Variants in NFATC4 observed in about 807,000 individuals in gnomAD.
NFATC4 encodes nuclear factor of activated T-cells, cytoplasmic 4.
A neutral mutation model predicts 73.4 loss-of-function variants in NFATC4; 25 were observed. The observed-to-expected ratio is 0.34, with a 90% CI of 0.25 to 0.48. The LOEUF is 0.48. Ranked by LOEUF, NFATC4 falls within the 20% of genes least tolerant of loss-of-function variation. The probability of loss-of-function intolerance (pLI) is 0.99; values close to 1 mark genes in which losing one functional copy is unlikely to be tolerated. For missense variants in NFATC4, 1,130 were observed against 1,203.7 expected (o/e 0.94, Z 0.91); for synonymous variants, 523 against 510.3 (o/e 1.02, Z -0.34).
In NFATC4 at chr14:24,372,569, T is replaced by C. The variant is rs2042501959; in HGVS notation, c.1325T>C (p.Val442Ala). Residue 442 changes from valine to alanine, a missense_variant, in exon 3 of 10, where the codon GTC (valine) becomes GCC (alanine). Around this residue, in one of 3 missense-constraint regions of NFATC4, gnomAD observed 155 missense variants for 221.2 expected, o/e 0.70. Transcript: ENST00000250373. ...HYETEGSRGA[V>A]KAAPGGHPVV... is the part of the protein sequence containing the mutation. ...GAGACAGAAGGCAGCCGTGGAGCTG[T>C]CAAAGCTGCCCCTGGCGGTCACCCC... is the stretch of plus-strand genomic sequence containing the variant. 6.2e-7 allele frequency: 1 copy of C among 1,613,928 alleles called. No individual in the cohort carries two copies. Among genetic ancestry groups the C allele is most frequent in the African/African-American group, 1.3e-5 (1 of 74,912 alleles).
intron 2 of NFATC4, 172 bp from the exon 3 acceptor site, chr14:24,372,269 A>T (rs916189935): frequency 3.0e-6 from 2 of 672,560 alleles, no homozygotes; most frequent in African/African-American, 3.6e-5. Flanking sequence ...TCCTTTTTTT[A>T]GTTTAAAAAA....
chr14:24,370,551 G>C lies in NFATC4; in HGVS notation c.1153G>C (p.Ala385Pro), dbSNP rs200325730. Residue 385 changes from alanine to proline, a missense_variant, in exon 2 of 10, where the codon GCT becomes CCT. Around this residue, in one of 3 missense-constraint regions of NFATC4, gnomAD observed 585 missense variants for 574.3 expected, o/e 1.02. Coordinates refer to ENST00000250373, the MANE Select transcript of NFATC4 (RefSeq NM_004554.5). ...CTACCTGGCAGTGCCCTCCCCACTC[G>C]CTTGGTCCAAGGCCCGGATTGGGGG... ...MDYLAVPSPL[A>P]WSKARIGGHS... 3.1e-6 allele frequency: 5 copies of C among 1,613,426 alleles called. No homozygotes were observed. Among genetic ancestry groups the C allele is most frequent in the Non-Finnish European group, 4.2e-6 (5 of 1,179,556 alleles).
chr14:24,370,277 G>C lies in NFATC4; in HGVS notation c.879G>C (p.Glu293Asp). Residue 293 changes from glutamate to aspartate, a missense_variant, in exon 2 of 10, where the codon GAG becomes GAC. By Grantham distance (45) the Glu-to-Asp change is conservative (BLOSUM62 2). This residue lies in a region of NFATC4 where 585 missense variants were observed against 574.3 expected (regional missense o/e 1.02). Coordinates refer to ENST00000250373, the MANE Select transcript of NFATC4 (RefSeq NM_004554.5). Reference sequence around the variant, plus strand: ...CCCGCCGTGGCAGCCTGGGGGAAGAGGGGTCTGAGCCACCTCCACCACCCC... The same window carrying C: ...CCCGCCGTGGCAGCCTGGGGGAAGACGGGTCTGAGCCACCTCCACCACCCC... The part of the protein sequence containing the change: ...ALSRRGSLGE[E>D]GSEPPPPPPL... 1 of 1,612,764 alleles carries C rather than the reference G, an allele frequency of 6.2e-7. No homozygotes were observed. Among genetic ancestry groups the C allele is most frequent in the South Asian group, 1.1e-5 (1 of 91,026 alleles).
rs774361663 is a variant in NFATC4, at chr14:24,375,986, C to T, written c.1941C>T (p.Thr647=). The change falls in exon 8 of 10, where the codon ACC becomes ACT. Residue 647 remains threonine (T), a synonymous_variant. Coordinates refer to ENST00000250373, the MANE Select transcript of NFATC4 (RefSeq NM_004554.5). The part of the protein sequence containing the change: ...NRLQSNEVTL[T]LTVPEYSNKR... ...TTACTCTTCCCTAGGTGACGCTGAC[C>T]CTGACTGTCCCCGAGTACAGCAACA... 2 of 1,613,990 alleles carry T rather than the reference C, an allele frequency of 1.2e-6. No homozygotes were observed. Among genetic ancestry groups the T allele is most frequent in the East Asian group, 2.2e-5 (1 of 44,876 alleles).
chr14:24,369,073 C>G, intron 1 of NFATC4: 1 of 1,412,596 alleles, frequency 7.1e-7, no homozygotes, highest in Non-Finnish European at 9.2e-7. Flanking sequence ...GCCCCCCTCC[C>G]CTCTGGCCAC....
At position 24,376,919 on chromosome 14, in the gene NFATC4, A is replaced by C; in HGVS notation, c.2641+41A>C. 2 of 1,491,856 alleles carry C rather than the reference A, an allele frequency of 1.3e-6. No individual in the cohort carries two copies. The highest frequency in any genetic ancestry group is 8.9e-7 in the Non-Finnish European group (1 of 1,122,862). 92.4% of individuals were successfully genotyped at this position (1,491,856 alleles called of 1,614,324 possible). ...GGGGCTGTGAGTGTGAGTGTGTGCA[A>C]GAGATTGCTCTGCATGTTTGCTGAG... On this transcript the variant is annotated intron_variant, in intron 9 of 9. Coordinates refer to ENST00000250373, the MANE Select transcript of NFATC4 (RefSeq NM_004554.5). The surrounding 1 kb of genome is among the most constrained non-coding windows in gnomAD (Gnocchi z 5.0).
chr14:24,375,743 G>C (rs1325363088), intron 7 of NFATC4, 28 bp downstream of exon 7: 3 of 1,542,340 alleles, frequency 1.9e-6, no homozygotes, highest in African/African-American at 1.4e-5. Context: ...ATACCTCCTG[G>C]GGGGCGGGGG....
chr14:24,376,185 G>C lies in NFATC4; in HGVS notation c.2056+84G>C. ...CAGAGGGAAGCAGTACTCATCATGAGGGGCCAAGGGGTGAATGGAACCTGG... is the reference window on the plus strand; with the variant it reads ...CAGAGGGAAGCAGTACTCATCATGACGGGCCAAGGGGTGAATGGAACCTGG... On this transcript the variant is annotated intron_variant, in intron 8 of 9. Coordinates refer to ENST00000250373, the MANE Select transcript of NFATC4 (RefSeq NM_004554.5). The surrounding 1 kb of genome is among the most constrained non-coding windows in gnomAD (Gnocchi z 5.0). 1 of 1,595,400 alleles carries C rather than the reference G, an allele frequency of 6.3e-7. No homozygotes were observed. The highest frequency in any genetic ancestry group is 8.6e-7 in the Non-Finnish European group (1 of 1,169,208).
At position 24,372,600 on chromosome 14, in the gene NFATC4, C is replaced by A. The variant is rs778495764; in HGVS notation, c.1356C>A (p.Val452=). The A allele has an allele frequency of 6.8e-6, 11 of 1,613,930 alleles. No homozygotes were observed. The highest frequency in any genetic ancestry group is 2.2e-5 in the East Asian group (1 of 44,886). The change falls in exon 3 of 10, where the codon GTC becomes GTA. Residue 452 remains valine (V), a synonymous_variant. Coordinates refer to ENST00000250373, the MANE Select transcript of NFATC4 (RefSeq NM_004554.5). ...CTGCCCCTGGCGGTCACCCCGTAGT[C>A]AAGGTAAAGGACAGACAGCAGGCCT... is the stretch of plus-strand genomic sequence containing the variant. ...VKAAPGGHPV[V]KLLGYSEKPL...
At chr14:24,374,157 C>G in intron 5 of NFATC4, 169 bp from the exon 6 acceptor site, 1 of 989,162 alleles carries the variant, frequency 1.0e-6, no homozygotes, top group Non-Finnish European at 1.5e-6. Flanking sequence ...GGAGCGGCCC[C>G]TTACATGGTG....
At chr14:24,371,279 C>A (rs1267964050) in intron 2 of NFATC4, among the ~76,000 whole-genome samples, 1 of 152,102 alleles carries the variant, frequency 6.6e-6, no homozygotes, top group African/African-American at 2.4e-5. Context: ...CCTGGGTTTC[C>A]CATAGGGCAA....
upstream of NFATC4, chr14:24,367,281 G>T (rs966030164): frequency 1.1e-5 from 17 of 1,582,094 alleles, no homozygotes; most frequent in Non-Finnish European, 1.5e-5. Flanking sequence ...GAACCCACAG[G>T]GTCCGGAGGT....
chr14:24,376,420 A>G lies in NFATC4; in HGVS notation c.2183A>G (p.Glu728Gly). 6.2e-7 allele frequency: 1 copy of G among 1,613,596 alleles called. No individual in the cohort carries two copies. Among genetic ancestry groups the G allele is most frequent in the Non-Finnish European group, 8.5e-7 (1 of 1,179,796 alleles). The change falls in exon 9 of 10, where the codon GAA becomes GGA. Residue 728 changes from glutamate (E) to glycine (G), a missense_variant. Glu to Gly is a moderately conservative substitution (Grantham distance 98). Coordinates refer to ENST00000250373, the MANE Select transcript of NFATC4 (RefSeq NM_004554.5). This position sits in a 1 kb window ranked among gnomAD's most constrained non-coding sequence, Gnocchi z 5.0. ...PRPPYPSYPH[E>G]DPACETPYLS... ...CCCCCCTACCCCTCCTATCCCCATG[A>G]AGACCCTGCTTGCGAAACTCCTTAC... is the stretch of plus-strand genomic sequence containing the variant.
chr14:24,375,829 C>T (rs948890269), intron 7 of NFATC4, 114 bp downstream of exon 7: 3 of 1,534,852 alleles, frequency 2.0e-6, no homozygotes, highest in African/African-American at 2.7e-5. Flanking sequence ...GGAGACTGGC[C>T]ATTCTGTAAG....
chr14:24,367,304 G>A, upstream of NFATC4: 3 of 1,554,566 alleles, frequency 1.9e-6, no homozygotes, highest in Non-Finnish European at 2.6e-6. Flanking sequence ...CAGGCCCCTA[G>A]TAAACCTGGC....
At position 24,376,433 on chromosome 14, in the gene NFATC4, C is replaced by A. The variant is rs141569636; in HGVS notation, c.2196C>A (p.Cys732Ter). The change falls in exon 9 of 10, where the codon TGC becomes TGA. Residue 732 changes from cysteine (C) to a stop codon, truncating the protein, a stop_gained. Transcript: ENST00000250373. LOFTEE classifies it high-confidence loss of function. This position sits in a 1 kb window ranked among gnomAD's most constrained non-coding sequence, Gnocchi z 5.0. ...YPSYPHEDPA[C>*]ETPYLSEGFG... ...CCTATCCCCATGAAGACCCTGCTTG[C>A]GAAACTCCTTACCTATCAGAAGGCT... is the stretch of plus-strand genomic sequence containing the variant. 1 of 1,613,658 alleles carries A rather than the reference C, an allele frequency of 6.2e-7. No individual in the cohort carries two copies. The highest frequency in any genetic ancestry group is 1.7e-5 in the Admixed American group (1 of 59,954).
In NFATC4 at chr14:24,377,896, T is replaced by G; in HGVS notation, c.*191T>G. 1 of 1,199,120 alleles carries G rather than the reference T, an allele frequency of 8.3e-7. No individual in the cohort carries two copies. Among genetic ancestry groups the G allele is most frequent in the Non-Finnish European group, 1.1e-6 (1 of 878,032 alleles). 74.3% of individuals were successfully genotyped at this position (1,199,120 alleles called of 1,614,324 possible). The stretch of plus-strand genomic sequence containing the variant: ...GTGGCCCTCAGGCCTGGTGCTGCCT[T>G]GGAGGGCTGGGGGAAGGAGTGTGTG... On this transcript the variant is annotated 3_prime_UTR_variant, in exon 10 of 10. Coordinates refer to ENST00000250373, the MANE Select transcript of NFATC4 (RefSeq NM_004554.5). This position sits in a 1 kb window ranked among gnomAD's most constrained non-coding sequence, Gnocchi z 4.2.
At position 24,368,296 on chromosome 14, in the gene NFATC4, C is replaced by T; in HGVS notation, c.-45C>T. On this transcript the variant is annotated 5_prime_UTR_variant, in exon 1 of 10. Coordinates refer to ENST00000250373, the MANE Select transcript of NFATC4 (RefSeq NM_004554.5). ...TGAAGATACAGCAGCCTCCTGAACT[C>T]CCCCCTCCCACCCAGGCCGGGACCT... 1.5e-6 allele frequency: 2 copies of T among 1,374,370 alleles called. No homozygotes were observed. The highest frequency in any genetic ancestry group is 1.9e-5 in the South Asian group (1 of 52,992). 85.1% of individuals were successfully genotyped at this position (1,374,370 alleles called of 1,614,324 possible). A position where few individuals can be genotyped will look rare whatever the true frequency, so the allele number is the denominator to read the frequency against.
At position 24,370,113 on chromosome 14, in the gene NFATC4, G is replaced by T; in HGVS notation, c.715G>T (p.Gly239Ter). ...DPWSLYGPSPGGRGPEDSWLL... is the reference protein window; with the variant it reads ...DPWSLYGPSP ...CTGGAGCCTGTATGGTCCAAGCCCC[G>T]GAGGCCGAGGGCCAGAGGATAGCTG... The change falls in exon 2 of 10, where the codon GGA becomes TGA. Residue 239 changes from glycine (G) to a stop codon, truncating the protein, a stop_gained. Transcript: ENST00000250373. LOFTEE classifies it high-confidence loss of function. 1 of 1,603,752 alleles carries T rather than the reference G, an allele frequency of 6.2e-7. No individual in the cohort carries two copies. The highest frequency in any genetic ancestry group is 8.5e-7 in the Non-Finnish European group (1 of 1,179,628).
Sources: gnomAD v4.1 joint callset for allele counts (sites outside exome capture counted in the v4.1 genomes callset) on GRCh38, gnomAD v4.1.1 for gene constraint, gnomAD v4.1.1 regional missense constraint, Gnocchi (gnomAD v3.1) non-coding constraint, MANE v1.5 for transcripts, NCBI Gene and HGNC (gene_info 2026-07-23, HGNC 2026-07-21) for gene names.